Variants in PHACTR3 observed in about 807,000 individuals in gnomAD.
PHACTR3 encodes the protein phosphatase and actin regulator 3, also known as protein phosphatase 1, regulatory subunit 123.
Under a neutral mutation model 66.8 loss-of-function variants are expected in PHACTR3, and 16 were observed. The observed-to-expected ratio is 0.24, with a 90% CI of 0.16 to 0.36. The LOEUF is 0.36. PHACTR3 is among the 10% of genes least tolerant of loss of function. The probability of loss-of-function intolerance (pLI) is 1.00; values close to 1 mark genes in which losing one functional copy is unlikely to be tolerated. For missense variants in PHACTR3, 647 were observed against 719.9 expected (o/e 0.90, Z 1.16); for synonymous variants, 323 against 292.1 (o/e 1.11, Z -1.08).
At chr20:59,606,308 C>G (rs1410602743) in intron 1 of PHACTR3, among the ~76,000 whole-genome samples, 3 of 151,984 alleles carry the variant, frequency 2.0e-5, no homozygotes, top group Non-Finnish European at 2.9e-5. Flanking sequence ...ATCCCTCCCC[C>G]CCCCATTTGA....
At chr20:59,743,720 C>T (rs1022999129) in intron 2 of PHACTR3, among the ~76,000 whole-genome samples, 3 of 152,212 alleles carry the variant, frequency 2.0e-5, no homozygotes, top group African/African-American at 4.8e-5. Context: ...GGGCCTGGGT[C>T]GTACCCCCAC....
intron 1 of PHACTR3, among the ~76,000 whole-genome samples, chr20:59,735,540 T>A (rs920252945): frequency 6.6e-6 from 1 of 152,022 alleles, no homozygotes; most frequent in Admixed American, 6.5e-5. Context: ...AGATAAGATA[T>A]CTTAGTGGAT....
intron 9 of PHACTR3, among the ~76,000 whole-genome samples, chr20:59,838,230 T>C (rs776637908): frequency 4.6e-5 from 7 of 152,186 alleles, no homozygotes; most frequent in Non-Finnish European, 7.3e-5. Flanking sequence ...GTTTTACTTT[T>C]GTTCTGTGGA....
At chr20:59,813,900 G>A (rs185584089) in intron 8 of PHACTR3, among the ~76,000 whole-genome samples, 97 of 152,292 alleles carry the variant, frequency 6.4e-4, no homozygotes, top group African/African-American at 2.3e-3. Context: ...GCACAGCCTC[G>A]CCATTACCCT....
chr20:59,629,839 C>T (rs1329319752), intron 1 of PHACTR3, among the ~76,000 whole-genome samples: 2 of 152,202 alleles, frequency 1.3e-5, no homozygotes, highest in Non-Finnish European at 2.9e-5. Flanking sequence ...CTTCCGTCTT[C>T]CCACTGACTG....
intron 1 of PHACTR3, among the ~76,000 whole-genome samples, chr20:59,593,484 A>C (rs1281219602): frequency 6.6e-6 from 1 of 151,840 alleles, no homozygotes; most frequent in Non-Finnish European, 1.5e-5. Flanking sequence ...GTCTGTACAA[A>C]GTAGACTTTT....
chr20:59,684,948 T>G (rs1241065748), intron 1 of PHACTR3, among the ~76,000 whole-genome samples: 2 of 152,240 alleles, frequency 1.3e-5, no homozygotes, highest in African/African-American at 4.8e-5. Context: ...TGGCTTCCCA[T>G]GGCTCAGCAC....
chr20:59,675,916 G>A (rs999734210), intron 1 of PHACTR3, among the ~76,000 whole-genome samples: 2 of 152,200 alleles, frequency 1.3e-5, no homozygotes, highest in African/African-American at 4.8e-5. Flanking sequence ...CTAGGTCCTC[G>A]ACCTCCCCAT....
chr20:59,664,422 T>C (rs2035917931), intron 1 of PHACTR3, among the ~76,000 whole-genome samples: 1 of 152,140 alleles, frequency 6.6e-6, no homozygotes, highest in Admixed American at 6.5e-5. Flanking sequence ...CTTGTGACCT[T>C]GTCCTCCCGC....
chr20:59,704,546 C>A (rs1426042303), intron 1 of PHACTR3, among the ~76,000 whole-genome samples: 1 of 146,046 alleles, frequency 6.8e-6, no homozygotes, highest in East Asian at 2.0e-4. Context: ...TCACTCAGCA[C>A]TCTCCTGAGA....
intron 1 of PHACTR3, among the ~76,000 whole-genome samples, chr20:59,633,711 T>G (rs1345960569): frequency 6.6e-6 from 1 of 152,184 alleles, no homozygotes; most frequent in Non-Finnish European, 1.5e-5. Context: ...TGTGGAGGGC[T>G]CTGTAAGTCA....
chr20:59,646,704 A>G (rs565213035), intron 1 of PHACTR3, among the ~76,000 whole-genome samples: 1 of 152,326 alleles, frequency 6.6e-6, no homozygotes, highest in Admixed American at 6.5e-5. Context: ...CCCCAGGAAC[A>G]TGACTCGGAG....
intron 4 of PHACTR3, among the ~76,000 whole-genome samples, chr20:59,756,297 G>A (rs1034454019): frequency 6.6e-6 from 1 of 152,206 alleles, no homozygotes; most frequent in African/African-American, 2.4e-5. Flanking sequence ...CACACGGTTT[G>A]GGGGTGGGAA....
intron 1 of PHACTR3, among the ~76,000 whole-genome samples, chr20:59,630,831 G>C (rs1282101346): frequency 6.6e-6 from 1 of 152,034 alleles, no homozygotes; most frequent in African/African-American, 2.4e-5. Context: ...GTTGACTCAG[G>C]GGCAGAGGGT....
chr20:59,828,829 G>C (rs2042266424), intron 8 of PHACTR3, among the ~76,000 whole-genome samples: 1 of 152,054 alleles, frequency 6.6e-6, no homozygotes, highest in Non-Finnish European at 1.5e-5. Flanking sequence ...CGTGGGAGTA[G>C]GAGTTAGAGT....
Position 59,773,418 on chromosome 20 carries a change from G to T in PHACTR3, c.891G>T (p.Leu297=), listed in dbSNP as rs763766127. The T allele has an allele frequency of 3.7e-5, 60 of 1,613,546 alleles. No homozygotes were observed. The highest frequency in any genetic ancestry group is 4.9e-5 in the Non-Finnish European group (58 of 1,179,858). ...CCCCAAGCCGCGTCATTGAGGAGCT[G>T]CACAGGGCGCTGGCCACGAAGCACC... is the stretch of plus-strand genomic sequence containing the variant. The part of the protein sequence containing the change: ...PLPPSRVIEE[L]HRALATKHRQ... Residue 297 remains leucine (L), a synonymous_variant, in exon 6 of 13, where the codon CTG becomes CTT. Coordinates refer to ENST00000371015, the MANE Select transcript of PHACTR3 (RefSeq NM_080672.5).
intron 1 of PHACTR3, 120 bp from the exon 2 acceptor site, chr20:59,742,987 G>A (rs577466950): frequency 8.7e-7 from 1 of 1,145,896 alleles, no homozygotes; most frequent in African/African-American, 1.6e-5. Context: ...ACCATCCTGG[G>A]GTCCAGGCTT....
At chr20:59,673,679 T>C (rs760501849) in intron 1 of PHACTR3, among the ~76,000 whole-genome samples, 1 of 152,178 alleles carries the variant, frequency 6.6e-6, no homozygotes, top group Non-Finnish European at 1.5e-5. Flanking sequence ...CCGGGCTTGC[T>C]TGGTGCTGTC....
intron 1 of PHACTR3, among the ~76,000 whole-genome samples, chr20:59,622,365 T>G (rs999529455): frequency 3.9e-5 from 6 of 152,098 alleles, no homozygotes; most frequent in African/African-American, 1.4e-4. Flanking sequence ...CTCTATAAAC[T>G]GGGGGCAATG....
Sources: allele counts gnomAD v4.1 joint callset (sites outside exome capture counted in the v4.1 genomes callset), GRCh38; gene constraint gnomAD v4.1.1; transcripts MANE v1.5; gene names NCBI Gene and HGNC (gene_info 2026-07-23, HGNC 2026-07-21).